SLC24A4: variants seen among roughly 807,000 people sequenced by gnomAD.
SLC24A4 encodes sodium/potassium/calcium exchanger 4.
Under a neutral mutation model 79.0 loss-of-function variants are expected in SLC24A4, and 53 were observed. That is an observed-to-expected ratio of 0.67 (90% CI 0.54 to 0.84). The LOEUF is 0.84. Among genes scored for constraint, SLC24A4 ranks in the 40% least tolerant of loss-of-function variants. The pLI is 0.00. For missense variants in SLC24A4, 731 were observed against 822.0 expected, an observed-to-expected ratio of 0.89 and a Z score of 1.35; for synonymous variants, 323 against 323.8, an observed-to-expected ratio of 1.00 and a Z score of 0.03.
intron 2 of SLC24A4, among the ~76,000 whole-genome samples, chr14:92,341,660 C>A (rs1886149906): frequency 6.6e-6 from 1 of 152,158 alleles, no homozygotes; most frequent in Admixed American, 6.5e-5. Context: ...CAGCTTGCCT[C>A]CCCTAAAGTG....
chr14:92,439,770 T>A (rs900342951), intron 4 of SLC24A4, among the ~76,000 whole-genome samples: 1 of 152,164 alleles, frequency 6.6e-6, no homozygotes, highest in South Asian at 2.1e-4. Context: ...AAGTGGCAGG[T>A]GACAGGTGGG....
intron 2 of SLC24A4, among the ~76,000 whole-genome samples, chr14:92,344,851 G>A (rs1490997754): frequency 6.6e-6 from 1 of 152,212 alleles, no homozygotes; most frequent in African/African-American, 2.4e-5. Context: ...GATGGAGCCA[G>A]TGTGCTCCAT....
At chr14:92,367,608 G>T (rs575068635) in intron 2 of SLC24A4, among the ~76,000 whole-genome samples, 2 of 152,318 alleles carry the variant, frequency 1.3e-5, no homozygotes, top group South Asian at 4.1e-4. Context: ...AAGAAACAGA[G>T]CTGGAAAAAG....
At position 92,323,657 on chromosome 14, in the gene SLC24A4, C is replaced by T. The variant is rs551832612; in HGVS notation, c.-174C>T. 7.9e-4 allele frequency: 588 copies of T among 747,406 alleles called. 4 individuals carry two copies. In the African/African-American group the frequency reaches 9.4e-3, roughly 12 times the overall value. The allele number at this position is 747,406 out of a possible 1,614,324, so 46.3% of individuals were successfully genotyped here. On this transcript the variant is annotated 5_prime_UTR_variant, in exon 1 of 17. Coordinates refer to ENST00000532405, the MANE Select transcript of SLC24A4 (RefSeq NM_153646.4). This position sits in a 1 kb window ranked among gnomAD's most constrained non-coding sequence, Gnocchi z 4.9. ...CGGCCGCGTCGCGCGTCCCCACCTTCCCAAGGGGCTCCCCCGCCGACCTCG... is the reference window on the plus strand; with the variant it reads ...CGGCCGCGTCGCGCGTCCCCACCTTTCCAAGGGGCTCCCCCGCCGACCTCG...
At chr14:92,448,824 G>A (rs1204898069) in intron 9 of SLC24A4, among the ~76,000 whole-genome samples, 2 of 152,208 alleles carry the variant, frequency 1.3e-5, no homozygotes, top group African/African-American at 2.4e-5. Flanking sequence ...TTAGGTGAAA[G>A]TTCTCTCATG....
At chr14:92,488,185 C>A (rs1488178291) in intron 14 of SLC24A4, among the ~76,000 whole-genome samples, 1 of 151,856 alleles carries the variant, frequency 6.6e-6, no homozygotes, top group East Asian at 1.9e-4. Context: ...GGTTCTCCTG[C>A]CTCACCCTTC....
intron 2 of SLC24A4, chr14:92,408,314 T>C: frequency 1.2e-6 from 1 of 835,586 alleles, no homozygotes; most frequent in Non-Finnish European, 1.4e-6. Context: ...TTGAGTCTTC[T>C]GGGCCTATCT....
chr14:92,495,023 G>A lies in SLC24A4; in HGVS notation c.*1395G>A, dbSNP rs1357967901. 1.3e-5 allele frequency: 2 copies of A among 152,486 alleles called. No individual in the cohort carries two copies. Among genetic ancestry groups the A allele is most frequent in the African/African-American group, 2.4e-5 (1 of 41,388 alleles). The allele number at this position is 152,486 out of a possible 1,614,324, so 9.4% of individuals were successfully genotyped here. ...ATATTTCTATTGCAAAAGTCTATCC[G>A]ATTTGATGCACTTTGAATATTGAGA... On this transcript the variant is annotated 3_prime_UTR_variant, in exon 17 of 17. Coordinates refer to ENST00000532405, the MANE Select transcript of SLC24A4 (RefSeq NM_153646.4).
intron 12 of SLC24A4, among the ~76,000 whole-genome samples, chr14:92,460,552 TTA>T (rs1215674301): frequency 1.3e-5 from 2 of 152,280 alleles, no homozygotes; most frequent in East Asian, 1.9e-4. Context: ...CAGGCACCTG[TTA>T]TGTGCCAGGT....
chr14:92,493,405 C>G, intron 16 of SLC24A4, 71 bp from the exon 17 acceptor site: 1 of 1,565,576 alleles, frequency 6.4e-7, no homozygotes, highest in South Asian at 1.2e-5. Context: ...ACATAGGTGT[C>G]GCTTTCCAGT....
At chr14:92,363,957 A>G (rs1887678183) in intron 2 of SLC24A4, among the ~76,000 whole-genome samples, 1 of 151,966 alleles carries the variant, frequency 6.6e-6, no homozygotes, top group Non-Finnish European at 1.5e-5. Context: ...CGACCCACAC[A>G]ATGCCTCCTG....
At chr14:92,334,237 C>G (rs921956357) in intron 2 of SLC24A4, among the ~76,000 whole-genome samples, 1 of 152,228 alleles carries the variant, frequency 6.6e-6, no homozygotes, top group Non-Finnish European at 1.5e-5. Context: ...CTTTCCCAGA[C>G]AGCAGGGGCA....
At position 92,456,545 on chromosome 14, in the gene SLC24A4, C is replaced by T. The variant is rs1595312054; in HGVS notation, c.1192C>T (p.Gln398Ter). The T allele has an allele frequency of 1.2e-6, 2 of 1,614,010 alleles. No individual in the cohort carries two copies. Among genetic ancestry groups the T allele is most frequent in the East Asian group, 2.2e-5 (1 of 44,882 alleles). Residue 398 changes from glutamine to a stop codon, truncating the protein, a stop_gained, in exon 12 of 17, where the codon CAG (glutamine) becomes TAG (stop). Transcript: ENST00000532405. LOFTEE classifies it high-confidence loss of function. ...QQNQEQQPPP[Q>*]PPPPEPEPVE... ...GAATCAGGAGCAGCAGCCGCCGCCA[C>T]AGCCACCACCGCCAGAGCCAGAGCC...
chr14:92,370,130 T>G (rs1444151753), intron 2 of SLC24A4, among the ~76,000 whole-genome samples: 1 of 152,192 alleles, frequency 6.6e-6, no homozygotes, highest in East Asian at 1.9e-4. Context: ...ACTAAAAAAT[T>G]GTATCCTTCT....
intron 2 of SLC24A4, among the ~76,000 whole-genome samples, chr14:92,402,232 G>A (rs1890153653): frequency 6.6e-6 from 1 of 152,156 alleles, no homozygotes; most frequent in Non-Finnish European, 1.5e-5. Flanking sequence ...CCGTGAGGCA[G>A]GCAGGATTAT....
At chr14:92,489,254 A>G (rs1895541579) in intron 14 of SLC24A4, among the ~76,000 whole-genome samples, 1 of 152,146 alleles carries the variant, frequency 6.6e-6, no homozygotes, top group South Asian at 2.1e-4. Flanking sequence ...CCTGGCCAAC[A>G]TGGTGAAACC....
chr14:92,394,430 T>TA (rs544609368), intron 2 of SLC24A4, among the ~76,000 whole-genome samples: 2,305 of 151,084 alleles, frequency 0.015, 75 homozygotes, highest in African/African-American at 0.053. Flanking sequence ...ACCCCATCTC[T>TA]AAAAAAAAAT....
At chr14:92,484,625 C>A in intron 13 of SLC24A4, 8 of 985,392 alleles carry the variant, frequency 8.1e-6, no homozygotes, top group Non-Finnish European at 9.6e-6. Context: ...AGCATCTGCC[C>A]CAGCCCCAGG....
In SLC24A4 at chr14:92,491,706, G is replaced by A. The variant is rs201429368; in HGVS notation, c.1579G>A (p.Val527Met). Residue 527 changes from valine to methionine, a missense_variant, in exon 15 of 17, where the codon GTG (valine) becomes ATG (methionine). Transcript: ENST00000532405. ...MAVSNTIGSN[V>M]FDILVGLGVP... ...AGTCTCCAACACCATAGGAAGCAAC[G>A]TGTTTGACATCCTGGTAGGACTTGG... 11 of 1,614,008 alleles carry A rather than the reference G, an allele frequency of 6.8e-6. No individual in the cohort carries two copies. The African/African-American group carries it at 9.3e-5, about 14-fold the overall frequency.
Sources: gnomAD v4.1 joint callset for allele counts (sites outside exome capture counted in the v4.1 genomes callset) on GRCh38, gnomAD v4.1.1 for gene constraint, Gnocchi (gnomAD v3.1) non-coding constraint, MANE v1.5 for transcripts, NCBI Gene and HGNC (gene_info 2026-07-23, HGNC 2026-07-21) for gene names.